ERC1: variants seen among roughly 807,000 people sequenced by gnomAD.
ERC1 encodes the protein ELKS/RAB6-interacting/CAST family member 1.
ERC1 carries 56 observed loss-of-function variants against 132.0 expected under a neutral mutation model. The ratio of observed to expected loss-of-function variants is 0.42; its 90% CI spans 0.34 to 0.53. The LOEUF is 0.53. ERC1 is among the 20% of genes least tolerant of loss of function. The probability of loss-of-function intolerance (pLI) is 0.03; values close to 1 mark genes in which losing one functional copy is unlikely to be tolerated. For synonymous variants in ERC1, 478 were observed against 476.1 expected, an observed-to-expected ratio of 1.00 and a Z score of -0.05; for missense variants, 1,202 against 1,349.9, an observed-to-expected ratio of 0.89 and a Z score of 1.72.
In ERC1 at chr12:1,335,402, C is replaced by T. The variant is rs112462378; in HGVS notation, c.2781-36431C>T. ...GCTCTTATTATTTTGAGGTATGTTC[C>T]TTCAATACGTAGTTTATTGAGAGTT... On this transcript the variant is annotated intron_variant, in intron 15 of 18. Coordinates refer to ENST00000360905, the MANE Select transcript of ERC1 (RefSeq NM_178040.4). Among the ~76,000 whole-genome samples the T allele has an allele frequency of 8.0e-3, 1,216 of 152,266 alleles. 9 individuals carry two copies. The highest frequency in any genetic ancestry group is 0.025 in the African/African-American group (1,059 of 41,534).
intron 8 of ERC1, among the ~76,000 whole-genome samples, chr12:1,154,261 G>GTATATGTA (rs1951130067): frequency 3.3e-5 from 3 of 90,712 alleles, no homozygotes; most frequent in African/African-American, 1.3e-4. Context: ...ATGTATATGT[G>GTATATGTA]TATATATACA....
rs556568917 is a variant in ERC1, at chr12:1,316,573, A to C, written c.2780+26561A>C. 7.7e-4 allele frequency among the ~76,000 whole-genome samples: 117 copies of C among 152,310 alleles called. 1 individual carries two copies. The highest frequency in any genetic ancestry group is 2.7e-3 in the African/African-American group (112 of 41,558). On this transcript the variant is annotated intron_variant, in intron 15 of 18. Transcript: ENST00000360905. ...AAGGGATGCAGGTAAGTCATTTCAAAATTGCTGTTGTTAATGCGGGAGAGG... is the reference window on the plus strand; with the variant it reads ...AAGGGATGCAGGTAAGTCATTTCAACATTGCTGTTGTTAATGCGGGAGAGG...
intron 1 of ERC1, among the ~76,000 whole-genome samples, chr12:1,004,627 A>T (rs903071528): frequency 2.0e-5 from 3 of 151,708 alleles, no homozygotes; most frequent in African/African-American, 7.3e-5. Context: ...GGCTGGTCTC[A>T]AACTCCTGAC....
intron 2 of ERC1, among the ~76,000 whole-genome samples, chr12:1,055,239 G>A (rs1270348156): frequency 1.3e-5 from 2 of 151,800 alleles, no homozygotes; most frequent in Non-Finnish European, 2.9e-5. Flanking sequence ...GAGTGCAGTG[G>A]CGCGATCTCT....
intron 18 of ERC1, among the ~76,000 whole-genome samples, chr12:1,479,940 T>G (rs1156458963): frequency 2.6e-5 from 4 of 152,152 alleles, no homozygotes; most frequent in Non-Finnish European, 5.9e-5. Flanking sequence ...CCTGTCCTCA[T>G]CCACACCTCT....
intron 14 of ERC1, among the ~76,000 whole-genome samples, chr12:1,283,359 A>G (rs904398872): frequency 3.9e-5 from 6 of 152,066 alleles, no homozygotes; most frequent in African/African-American, 1.4e-4. Flanking sequence ...TTAGTATAGG[A>G]TTTATCTCTT....
At chr12:1,480,263 G>A (rs1352243050) in intron 18 of ERC1, among the ~76,000 whole-genome samples, 2 of 152,180 alleles carry the variant, frequency 1.3e-5, no homozygotes, top group Non-Finnish European at 2.9e-5. Flanking sequence ...TTGCAGTTTA[G>A]TGAAAATCGG....
In ERC1 at chr12:1,112,257, T is replaced by C; in HGVS notation, c.1360T>C (p.Trp454Arg). ...GGAACTAAGTTCGAAAGAGGCTCAA[T>C]GGGAGGAGCTGAAAAAGAAAGCGGC... ...KEELSSKEAQWEELKKKAAGL... is the reference protein window; with the variant it reads ...KEELSSKEAQREELKKKAAGL... The change falls in exon 6 of 19, where the codon TGG becomes CGG. Residue 454 changes from tryptophan to arginine, a missense_variant. Physicochemically the swap from Trp to Arg is moderately radical, Grantham distance 101. Transcript: ENST00000360905. 1 of 1,611,572 alleles carries C rather than the reference T, an allele frequency of 6.2e-7. No individual in the cohort carries two copies. The highest frequency in any genetic ancestry group is 1.1e-5 in the South Asian group (1 of 91,040).
chr12:1,391,065 T>TA (rs760898070), intron 16 of ERC1: 1 of 152,258 alleles, frequency 6.6e-6, no homozygotes, highest in Non-Finnish European at 1.5e-5. Context: ...GCTGTGCCTT[T>TA]AATCATAATT....
intron 15 of ERC1, among the ~76,000 whole-genome samples, chr12:1,296,203 C>G (rs78223056): frequency 0.088 from 13,347 of 151,850 alleles, 822 homozygotes; most frequent in African/African-American, 0.16. Context: ...TGGTGCACAC[C>G]TATAGTCCCA....
At chr12:1,429,349 A>G (rs1591998617) in intron 17 of ERC1, among the ~76,000 whole-genome samples, 1 of 152,236 alleles carries the variant, frequency 6.6e-6, no homozygotes, top group South Asian at 2.1e-4. Flanking sequence ...TTAAAAATCT[A>G]GTACTCATAT....
At chr12:1,193,485 CAT>C (rs1271364976) in intron 12 of ERC1, among the ~76,000 whole-genome samples, 1 of 151,786 alleles carries the variant, frequency 6.6e-6, no homozygotes, top group Non-Finnish European at 1.5e-5. Context: ...TATATACACA[CAT>C]ATATAAACAC....
intron 18 of ERC1, among the ~76,000 whole-genome samples, chr12:1,454,366 A>G (rs2093486808): frequency 6.6e-6 from 1 of 152,290 alleles, no homozygotes; most frequent in African/African-American, 2.4e-5. Context: ...CCCATAAGCC[A>G]TTCTATCAAA....
chr12:1,173,908 G>C (rs1444715279), intron 8 of ERC1, among the ~76,000 whole-genome samples: 1 of 151,834 alleles, frequency 6.6e-6, no homozygotes, highest in Non-Finnish European at 1.5e-5. Flanking sequence ...GGGCTCAGCT[G>C]TTATCCATCG....
intron 13 of ERC1, among the ~76,000 whole-genome samples, chr12:1,262,286 C>T (rs1019569567): frequency 3.3e-5 from 5 of 152,196 alleles, no homozygotes; most frequent in Non-Finnish European, 5.9e-5. Flanking sequence ...AAGATCTCTC[C>T]TATCTTACAT....
At chr12:1,021,795 A>ATGTCACC (rs1422745687) in intron 1 of ERC1, among the ~76,000 whole-genome samples, 1 of 151,976 alleles carries the variant, frequency 6.6e-6, no homozygotes, top group Non-Finnish European at 1.5e-5. Flanking sequence ...GAGCCCCTCC[A>ATGTCACC]TGTCACCTTA....
intron 13 of ERC1, among the ~76,000 whole-genome samples, chr12:1,239,286 C>T (rs2075638570): frequency 6.6e-6 from 1 of 152,062 alleles, no homozygotes; most frequent in Non-Finnish European, 1.5e-5. Flanking sequence ...GAACTCCTGG[C>T]TCCACACGAA....
chr12:1,380,873 G>T (rs1481225192), intron 16 of ERC1: 1 of 152,256 alleles, frequency 6.6e-6, no homozygotes, highest in Non-Finnish European at 1.5e-5. Context: ...TGAGTTGTTA[G>T]TGAATAAAGG....
intron 16 of ERC1, chr12:1,386,847 A>G (rs923792094): frequency 6.6e-6 from 1 of 152,126 alleles, no homozygotes; most frequent in Non-Finnish European, 1.5e-5. Flanking sequence ...GAATTCTGAC[A>G]GTATTGATTA....
Sources: gnomAD v4.1 joint callset for allele counts (sites outside exome capture counted in the v4.1 genomes callset) on GRCh38, gnomAD v4.1.1 for gene constraint, MANE v1.5 for transcripts, NCBI Gene and HGNC (gene_info 2026-07-23, HGNC 2026-07-21) for gene names.